IL10RB: variants seen among roughly 807,000 people sequenced by gnomAD.
IL10RB encodes interleukin 10 receptor subunit beta.
A neutral mutation model predicts 38.7 loss-of-function variants in IL10RB; 30 were observed. That is an observed-to-expected ratio of 0.78 (90% CI 0.58 to 1.05). IL10RB has a LOEUF of 1.05. IL10RB is among the 50% of genes least tolerant of loss of function. IL10RB has a pLI of 0.00. For missense variants in IL10RB, 328 were observed against 397.1 expected (o/e 0.83, Z 1.48); for synonymous variants, 142 against 145.9 (o/e 0.97, Z 0.19).
At chr21:33,269,967 C>A (rs894683373) in intron 2 of IL10RB, among the ~76,000 whole-genome samples, 1 of 151,978 alleles carries the variant, frequency 6.6e-6, no homozygotes, top group Non-Finnish European at 1.5e-5. Context: ...CCAGGTTCAC[C>A]AATTTTTAAT....
chr21:33,279,780 A>T lies in IL10RB; in HGVS notation c.360A>T (p.Val120=). 1.2e-6 allele frequency: 2 copies of T among 1,614,052 alleles called. No individual in the cohort carries two copies. Among genetic ancestry groups the T allele is most frequent in the Non-Finnish European group, 1.7e-6 (2 of 1,179,878 alleles). Residue 120 remains valine (V), a synonymous_variant, in exon 4 of 7, where the codon GTA becomes GTT. Transcript: ENST00000290200. ...DTIIGPPGMQ[V]EVLADSLHMR... is the part of the protein sequence containing the mutation. ...TTATTGGACCCCCTGGAATGCAAGT[A>T]GAAGTACTTGCTGATTCTTTACATA... is the stretch of plus-strand genomic sequence containing the variant.
Position 33,290,067 on chromosome 21 carries a change from T to C in IL10RB, c.804+1806T>C, listed in dbSNP as rs1217430382. ...AGGCGGAGCTGGCAGTGAGCCAAGA[T>C]CGCGCCACTGCACTCTAACCTGGGC... On this transcript the variant is annotated intron_variant, in intron 6 of 6. Coordinates refer to ENST00000290200, the MANE Select transcript of IL10RB (RefSeq NM_000628.5). Among the ~76,000 whole-genome samples the C allele has an allele frequency of 2.6e-5, 4 of 151,232 alleles. No homozygotes were observed. The East Asian group carries it at 5.8e-4, about 22-fold the overall frequency.
At position 33,266,410 on chromosome 21, in the gene IL10RB, G is replaced by C; in HGVS notation, c.-56G>C. The C allele has an allele frequency of 1.3e-6, 2 of 1,526,936 alleles. No homozygotes were observed. The highest frequency in any genetic ancestry group is 2.3e-4 in the Middle Eastern group (1 of 4,340). The allele number at this position is 1,526,936 out of a possible 1,614,324, so 94.6% of individuals were successfully genotyped here. On this transcript the variant is annotated 5_prime_UTR_variant, in exon 1 of 7. Coordinates refer to ENST00000290200, the MANE Select transcript of IL10RB (RefSeq NM_000628.5). ...AAGCCGCCGCGGACAAGCTCTCCCGGGCGCGGGCGGGGGTCGTGTGCTTGG... is the reference window on the plus strand; with the variant it reads ...AAGCCGCCGCGGACAAGCTCTCCCGCGCGCGGGCGGGGGTCGTGTGCTTGG...
At chr21:33,297,680 G>T (rs1412438065), downstream of IL10RB, among the ~76,000 whole-genome samples, 2 of 152,080 alleles carry the variant, frequency 1.3e-5, no homozygotes, top group Non-Finnish European at 2.9e-5. Context: ...AGGCATGGTG[G>T]CATGTGTCTG....
At chr21:33,271,776 T>A (rs896534090) in intron 2 of IL10RB, among the ~76,000 whole-genome samples, 4 of 151,946 alleles carry the variant, frequency 2.6e-5, no homozygotes, top group Non-Finnish European at 4.4e-5. Flanking sequence ...AAACAACTTT[T>A]GAAATACTGC....
At position 33,266,449 on chromosome 21, in the gene IL10RB, AC is replaced by A. The variant is rs1205754694; in HGVS notation, c.-12del. 1 of 1,540,088 alleles carries A rather than the reference AC, an allele frequency of 6.5e-7. No homozygotes were observed. On this transcript the variant is annotated 5_prime_UTR_variant, in exon 1 of 7. Coordinates refer to ENST00000290200, the MANE Select transcript of IL10RB (RefSeq NM_000628.5). ...TCGTGTGCTTGGAGGAAGCCGCGGA[AC>A]CCCCAGCGTCCGTCCATGGCGTGGA... is the stretch of plus-strand genomic sequence containing the variant.
intron 6 of IL10RB, 103 bp downstream of exon 6, chr21:33,288,364 AACACACACGCGCGCGCGCACAC>A: frequency 1.1e-6 from 1 of 925,862 alleles, no homozygotes; most frequent in Non-Finnish European, 1.7e-6. Context: ...TTTCCAGGAA[AACACACACGCGCGCGCGCACAC>A]ACACACACAC....
chr21:33,294,644 A>G (rs1989555492), intron 6 of IL10RB, among the ~76,000 whole-genome samples: 1 of 152,166 alleles, frequency 6.6e-6, no homozygotes, highest in Admixed American at 6.6e-5. Flanking sequence ...AAAAATCCCT[A>G]CAGGTCCATG....
Position 33,268,452 on chromosome 21 carries a change from C to T in IL10RB, c.108C>T (p.Asn36=). The change falls in exon 2 of 7, where the codon AAC becomes AAT. Residue 36 remains asparagine, a synonymous_variant. Coordinates refer to ENST00000290200, the MANE Select transcript of IL10RB (RefSeq NM_000628.5). ...NVRMNSVNFK[N]ILQWESPAFA... is the part of the protein sequence containing the mutation. ...GAATGAATTCTGTTAATTTCAAGAACATTCTACAGTGGGAGTCACCTGCTT... is the reference window on the plus strand; with the variant it reads ...GAATGAATTCTGTTAATTTCAAGAATATTCTACAGTGGGAGTCACCTGCTT... 1 of 1,614,080 alleles carries T rather than the reference C, an allele frequency of 6.2e-7. No individual in the cohort carries two copies. Among genetic ancestry groups the T allele is most frequent in the Non-Finnish European group, 8.5e-7 (1 of 1,179,906 alleles).
intron 3 of IL10RB, among the ~76,000 whole-genome samples, 183 bp from the exon 4 acceptor site, chr21:33,279,569 C>T (rs113694296): frequency 2.4e-4 from 36 of 152,312 alleles, no homozygotes; most frequent in African/African-American, 8.2e-4. Flanking sequence ...CAAAGATTAT[C>T]AGATTTTTTA....
chr21:33,297,950 A>G (rs1002720295), downstream of IL10RB, among the ~76,000 whole-genome samples: 1 of 152,236 alleles, frequency 6.6e-6, no homozygotes, highest in Admixed American at 6.5e-5. Context: ...GAGGCTGGCA[A>G]GTTCAAAAAC....
rs45573535 is a variant in IL10RB at position 33,286,045 on chromosome 21, G to A, written c.647-2059G>A. Among the ~76,000 whole-genome samples the A allele has an allele frequency of 4.5e-3, 693 of 152,316 alleles. 17 individuals carry two copies. In the South Asian group the frequency reaches 0.072, roughly 16 times the overall value. ...AACCCGCAAGGACAGGAGCTGGGGA[G>A]ATGGGAGGCCGCCTGCGGGAATGAA... On this transcript the variant is annotated intron_variant, in intron 5 of 6. Transcript: ENST00000290200.
chr21:33,295,235 A>G (rs28741381), intron 6 of IL10RB, among the ~76,000 whole-genome samples: 2,061 of 151,256 alleles, frequency 0.014, 28 homozygotes, highest in Non-Finnish European at 0.02. Flanking sequence ...GTGGGCGCCT[A>G]TAGTCCCAGC....
At chr21:33,268,727 G>A (rs780945331) in intron 2 of IL10RB, among the ~76,000 whole-genome samples, 2 of 152,186 alleles carry the variant, frequency 1.3e-5, no homozygotes, top group East Asian at 1.9e-4. Context: ...GATGGTTGAC[G>A]ATTTGACTGT....
chr21:33,288,003 G>A (rs550244354), intron 5 of IL10RB, 101 bp from the exon 6 acceptor site: 357 of 1,149,588 alleles, frequency 3.1e-4, no homozygotes, highest in Non-Finnish European at 4.3e-4. Context: ...CAAGATAAAC[G>A]TACAGGCTCT....
At position 33,296,788 on chromosome 21, in the gene IL10RB, A is replaced by C; in HGVS notation, c.*431A>C. ...TATGGTGAAACCCAGTCTCTACTAA[A>C]AATACAAAAATTAGCTAGGCATGAT... On this transcript the variant is annotated 3_prime_UTR_variant, in exon 7 of 7. Transcript: ENST00000290200. 1 of 348,912 alleles carries C rather than the reference A, an allele frequency of 2.9e-6. No homozygotes were observed. Among genetic ancestry groups the C allele is most frequent in the East Asian group, 7.5e-5 (1 of 13,338 alleles). 21.6% of individuals were successfully genotyped at this position (348,912 alleles called of 1,614,324 possible).
At chr21:33,282,619 T>C (rs1036998358) in intron 4 of IL10RB, among the ~76,000 whole-genome samples, 1 of 152,144 alleles carries the variant, frequency 6.6e-6, no homozygotes, top group Non-Finnish European at 1.5e-5. Context: ...TCTCGCTCTG[T>C]CACCGAGGCT....
chr21:33,299,052 G>GC (rs1338591350), downstream of IL10RB, among the ~76,000 whole-genome samples: 2 of 152,124 alleles, frequency 1.3e-5, no homozygotes, highest in Non-Finnish European at 1.5e-5. Flanking sequence ...ATCAAACACT[G>GC]CCTCTTCAAG....
rs549749500 is a variant in IL10RB at position 33,282,377 on chromosome 21, C to CA, written c.499-708dup. On this transcript the variant is annotated intron_variant, in intron 4 of 6. Transcript: ENST00000290200. The stretch of plus-strand genomic sequence containing the variant: ...GCAAAACCCCGTCTCTACAAAAATA[C>CA]AAAAAAAAATTAGCTGAGTGTGGTA... 6.4e-3 allele frequency among the ~76,000 whole-genome samples: 959 copies of CA among 150,938 alleles called. 11 individuals are homozygous for CA. The highest frequency in any genetic ancestry group is 0.022 in the African/African-American group (902 of 41,258).
Sources: gnomAD v4.1 joint callset for allele counts (sites outside exome capture counted in the v4.1 genomes callset) on GRCh38, gnomAD v4.1.1 for gene constraint, MANE v1.5 for transcripts, NCBI Gene and HGNC (gene_info 2026-07-23, HGNC 2026-07-21) for gene names.